USP13: variants seen among roughly 807,000 people sequenced by gnomAD.
The protein encoded by USP13 is ubiquitin specific peptidase 13, also known as ubiquitin carboxyl-terminal hydrolase 13.
Under a neutral mutation model 107.8 loss-of-function variants are expected in USP13, and 68 were observed. That is an observed-to-expected ratio of 0.63 (90% CI 0.52 to 0.77). The LOEUF (loss-of-function observed/expected upper bound fraction) is 0.77. USP13 is among the 30% of genes least tolerant of loss of function. USP13 has a pLI of 0.00. For synonymous variants in USP13, 377 were observed against 389.5 expected, an observed-to-expected ratio of 0.97 and a Z score of 0.38; for missense variants, 945 against 1,093.3, an observed-to-expected ratio of 0.86 and a Z score of 1.91.
chr3:179,781,633 T>C, intron 19 of USP13, 106 bp from the exon 20 acceptor site: 1 of 927,670 alleles, frequency 1.1e-6, no homozygotes, highest in Non-Finnish European at 1.7e-6. Flanking sequence ...GTCTTTCAAA[T>C]CTAAACAGTT....
intron 6 of USP13, among the ~76,000 whole-genome samples, chr3:179,712,659 C>G (rs1183305816): frequency 1.3e-5 from 2 of 151,096 alleles, no homozygotes; most frequent in Non-Finnish European, 3.0e-5. Flanking sequence ...AATTTTTTTT[C>G]TATTCTGATG....
chr3:179,735,441 T>C (rs2108508197), intron 10 of USP13, among the ~76,000 whole-genome samples: 1 of 152,072 alleles, frequency 6.6e-6, no homozygotes, highest in African/African-American at 2.4e-5. Context: ...AAGGAAAAAT[T>C]ATTTAAATTT....
intron 2 of USP13, among the ~76,000 whole-genome samples, chr3:179,689,519 G>A (rs1363363652): frequency 6.6e-6 from 1 of 151,980 alleles, no homozygotes; most frequent in Non-Finnish European, 1.5e-5. Context: ...TTAGCTGGGT[G>A]TGGTGGCAGC....
intron 10 of USP13, among the ~76,000 whole-genome samples, chr3:179,736,013 C>T (rs1479779443): frequency 6.6e-6 from 1 of 152,146 alleles, no homozygotes; most frequent in Admixed American, 6.5e-5. Flanking sequence ...GCCATCCAGC[C>T]TGGGCAACAG....
chr3:179,746,996 T>A (rs545786131), intron 13 of USP13, among the ~76,000 whole-genome samples: 1 of 152,352 alleles, frequency 6.6e-6, no homozygotes, highest in East Asian at 1.9e-4. Context: ...AAGCCATATT[T>A]GTTAAAATTA....
At chr3:179,733,481 A>G (rs1713876918) in intron 10 of USP13, among the ~76,000 whole-genome samples, 1 of 152,212 alleles carries the variant, frequency 6.6e-6, no homozygotes. Flanking sequence ...CTCAGGCATC[A>G]CGATTTTCAC....
chr3:179,712,365 A>C (rs141316659), intron 6 of USP13, among the ~76,000 whole-genome samples: 2,023 of 152,304 alleles, frequency 0.013, 38 homozygotes, highest in Middle Eastern at 0.02. Flanking sequence ...GTTTAGATAA[A>C]TCAATACAAA....
intron 10 of USP13, among the ~76,000 whole-genome samples, chr3:179,733,391 C>T (rs984059610): frequency 6.6e-6 from 1 of 152,108 alleles, no homozygotes; most frequent in East Asian, 1.9e-4. Context: ...TGGGGGTGTC[C>T]GTTTCAAGCT....
In USP13 at chr3:179,788,622, T is replaced by TTAA. The variant is rs1715975970; in HGVS notation, c.*4484_*4486dup. 1 of 152,140 alleles carries TTAA rather than the reference T, an allele frequency of 6.6e-6. No individual in the cohort carries two copies. The highest frequency in any genetic ancestry group is 1.5e-5 in the Non-Finnish European group (1 of 68,024). 9.4% of individuals were successfully genotyped at this position (152,140 alleles called of 1,614,324 possible). Reference sequence around the variant, plus strand: ...ATGTACTAAGTAAAATATTAACAATTTAATATATTTATATAATTGAAATTA... The same window carrying TTAA: ...ATGTACTAAGTAAAATATTAACAATTTAATAATATATTTATATAATTGAAATTA... On this transcript the variant is annotated 3_prime_UTR_variant, in exon 21 of 21. Coordinates refer to ENST00000263966, the MANE Select transcript of USP13 (RefSeq NM_003940.3).
At chr3:179,730,764 T>C (rs1232342172) in intron 10 of USP13, 55 bp downstream of exon 10, 22 of 1,541,486 alleles carry the variant, frequency 1.4e-5, no homozygotes, top group Non-Finnish European at 2.0e-5. Context: ...AGCTTTAGAA[T>C]GTGGGTTTCC....
At chr3:179,743,523 G>A (rs892247908) in intron 12 of USP13, among the ~76,000 whole-genome samples, 1 of 151,978 alleles carries the variant, frequency 6.6e-6, no homozygotes, top group Admixed American at 6.6e-5. Flanking sequence ...AAGATGAAAC[G>A]ATTTTCATTT....
intron 3 of USP13, among the ~76,000 whole-genome samples, chr3:179,697,144 C>T (rs918211620): frequency 6.6e-6 from 1 of 152,124 alleles, no homozygotes; most frequent in Non-Finnish European, 1.5e-5. Flanking sequence ...TGGCTTAGAC[C>T]AGGTGTTTAA....
intron 4 of USP13, among the ~76,000 whole-genome samples, chr3:179,704,674 A>G (rs772792900): frequency 2.6e-5 from 4 of 152,110 alleles, no homozygotes; most frequent in African/African-American, 7.2e-5. Context: ...TCTATTTTCT[A>G]TGGGCATTTC....
intron 19 of USP13, among the ~76,000 whole-genome samples, chr3:179,778,007 C>CA (rs1425193810): frequency 1.3e-5 from 2 of 151,986 alleles, no homozygotes; most frequent in African/African-American, 2.4e-5. Flanking sequence ...ATCACTGTTT[C>CA]AAAAATAAAT....
chr3:179,736,088 C>A (rs778697362), intron 10 of USP13, among the ~76,000 whole-genome samples: 20 of 152,154 alleles, frequency 1.3e-4, no homozygotes, highest in Non-Finnish European at 2.8e-4. Context: ...AAATTAACAA[C>A]CATCCCTTAG....
intron 1 of USP13, among the ~76,000 whole-genome samples, chr3:179,658,960 G>A (rs1411958542): frequency 6.6e-6 from 1 of 152,068 alleles, no homozygotes; most frequent in Non-Finnish European, 1.5e-5. Context: ...GCATACAGTG[G>A]CTGAACCAAA....
At chr3:179,761,375 TCTC>T in intron 17 of USP13, 120 bp downstream of exon 17, 1 of 1,292,750 alleles carries the variant, frequency 7.7e-7, no homozygotes, top group South Asian at 1.6e-5. Flanking sequence ...TAGTTCCTAA[TCTC>T]CTGCAGTGGA....
intron 15 of USP13, among the ~76,000 whole-genome samples, chr3:179,756,441 C>G (rs1202409594): frequency 7.6e-6 from 1 of 132,404 alleles, no homozygotes; most frequent in African/African-American, 2.9e-5. Context: ...AACAAACAAA[C>G]AAACAAAAAA....
At chr3:179,669,835 C>T (rs1468001287) in intron 1 of USP13, among the ~76,000 whole-genome samples, 3 of 152,176 alleles carry the variant, frequency 2.0e-5, no homozygotes, top group African/African-American at 7.2e-5. Context: ...TTTCTTGACC[C>T]CCCCCTCCAT....
Sources: gnomAD v4.1 joint callset for allele counts (sites outside exome capture counted in the v4.1 genomes callset) on GRCh38, gnomAD v4.1.1 for gene constraint, MANE v1.5 for transcripts, NCBI Gene and HGNC (gene_info 2026-07-23, HGNC 2026-07-21) for gene names.